Variants in TOX3 observed in about 807,000 individuals in gnomAD.
TOX3 encodes the protein CAG trinucleotide repeat-containing gene F9 protein.
In TOX3, 22 loss-of-function variants were observed where a neutral mutation model predicts 64.3. The ratio of observed to expected loss-of-function variants is 0.34; its 90% confidence interval spans 0.24 to 0.49. The LOEUF (loss-of-function observed/expected upper bound fraction) is 0.49. Ranked by LOEUF, TOX3 falls within the 20% of genes least tolerant of loss-of-function variation. The probability of loss-of-function intolerance (pLI) is 0.99; values close to 1 mark genes in which losing one functional copy is unlikely to be tolerated. For synonymous variants in TOX3, 291 were observed against 273.6 expected, an observed-to-expected ratio of 1.06 and a Z score of -0.63; for missense variants, 661 against 714.4, an observed-to-expected ratio of 0.93 and a Z score of 0.85.
At chr16:52,481,018 C>G (rs1434715441) in intron 1 of TOX3, among the ~76,000 whole-genome samples, 1 of 152,006 alleles carries the variant, frequency 6.6e-6, no homozygotes, top group Non-Finnish European at 1.5e-5. Context: ...GGGCGGCCTC[C>G]CACAACAAAG....
At chr16:52,444,499 G>GCGCACACA (rs374601775) in intron 5 of TOX3, 143 bp from the exon 6 acceptor site, 131 of 380,866 alleles carry the variant, frequency 3.4e-4, no homozygotes, top group African/African-American at 2.9e-3. Flanking sequence ...GTTAGCGCAT[G>GCGCACACA]CACACACACA....
chr16:52,459,954 A>G lies in TOX3; in HGVS notation c.408+3980T>C, dbSNP rs574711978. On this transcript the variant is annotated intron_variant, in intron 3 of 6. Coordinates refer to ENST00000219746, the MANE Select transcript of TOX3 (RefSeq NM_001080430.4). ...TAAGCCTGGTAATTTTAGATGTAATATTTTGATAAATTGCCATTTTTCTAT... is the reference window on the plus strand; with the variant it reads ...TAAGCCTGGTAATTTTAGATGTAATGTTTTGATAAATTGCCATTTTTCTAT... Among the ~76,000 whole-genome samples, 5 of 152,230 alleles carry G rather than the reference A, an allele frequency of 3.3e-5. No individual in the cohort carries two copies. The East Asian group carries it at 9.6e-4, about 29-fold the overall frequency.
At chr16:52,505,065 C>T (rs981257516) in intron 1 of TOX3, among the ~76,000 whole-genome samples, 1 of 152,106 alleles carries the variant, frequency 6.6e-6, no homozygotes, top group South Asian at 2.1e-4. Flanking sequence ...AACTCCTGAC[C>T]TCAAATGCTC....
At chr16:52,463,107 T>C (rs1050669760) in intron 3 of TOX3, among the ~76,000 whole-genome samples, 1 of 152,324 alleles carries the variant, frequency 6.6e-6, no homozygotes, top group Non-Finnish European at 1.5e-5. Context: ...ATTTGTTTTT[T>C]GTTATACCAA....
chr16:52,457,282 A>G (rs1020621086), intron 3 of TOX3, among the ~76,000 whole-genome samples: 1 of 152,176 alleles, frequency 6.6e-6, no homozygotes, highest in Non-Finnish European at 1.5e-5. Context: ...ATTACACATT[A>G]TTATTCTATA....
rs184531919 is a variant in TOX3 at position 52,510,296 on chromosome 16, T to C, written c.87+36341A>G. ...AAAGTGATAGACAAGACATAATGAT[T>C]AGAGAAATGAATCAAAGTAATATTT... is the stretch of plus-strand genomic sequence containing the variant. On this transcript the variant is annotated intron_variant, in intron 1 of 6. Coordinates refer to ENST00000219746, the MANE Select transcript of TOX3 (RefSeq NM_001080430.4). Among the ~76,000 whole-genome samples, 291 of 152,300 alleles carry C rather than the reference T, an allele frequency of 1.9e-3. 2 individuals are homozygous for C. Among genetic ancestry groups the C allele is most frequent in the Non-Finnish European group, 1.7e-3 (118 of 68,024 alleles).
intron 1 of TOX3, among the ~76,000 whole-genome samples, chr16:52,537,050 C>T (rs1962965342): frequency 6.6e-6 from 1 of 152,004 alleles, no homozygotes; most frequent in African/African-American, 2.4e-5. Context: ...ATCCATCATT[C>T]AATAGCTCTC....
At chr16:52,542,898 C>T (rs1195443313) in intron 1 of TOX3, among the ~76,000 whole-genome samples, 1 of 152,066 alleles carries the variant, frequency 6.6e-6, no homozygotes. Flanking sequence ...AGGCAGAAGC[C>T]CAATCAGGTG....
At chr16:52,446,278 G>C in intron 4 of TOX3, 57 bp from the exon 5 acceptor site, 1 of 1,528,968 alleles carries the variant, frequency 6.5e-7, no homozygotes, top group African/African-American at 1.4e-5. Flanking sequence ...AATGCAACAA[G>C]ACTTAACTCA....
At chr16:52,501,359 A>G (rs1961994612) in intron 1 of TOX3, among the ~76,000 whole-genome samples, 1 of 152,242 alleles carries the variant, frequency 6.6e-6, no homozygotes, top group South Asian at 2.1e-4. Flanking sequence ...CAAAAATTAT[A>G]ATTAAAAATG....
At chr16:52,447,332 G>A (rs747925561) in intron 4 of TOX3, among the ~76,000 whole-genome samples, 1 of 152,166 alleles carries the variant, frequency 6.6e-6, no homozygotes, top group Non-Finnish European at 1.5e-5. Context: ...TAACAGATAG[G>A]CTTTTAATGA....
Position 52,446,236 on chromosome 16 carries a change from G to A in TOX3, c.679-15C>T. The A allele has an allele frequency of 1.2e-6, 2 of 1,609,754 alleles. No individual in the cohort carries two copies. On this transcript the variant is annotated splice_polypyrimidine_tract_variant and intron_variant, in intron 4 of 6. Coordinates refer to ENST00000219746, the MANE Select transcript of TOX3 (RefSeq NM_001080430.4). ...TCTCCAATGGCCTGCAAAGCAGGAA[G>A]AAAATTCACTGCCTAGAATGTACTT...
intron 1 of TOX3, among the ~76,000 whole-genome samples, chr16:52,469,588 A>ATATC (rs1241778154): frequency 6.6e-6 from 1 of 152,204 alleles, no homozygotes; most frequent in African/African-American, 2.4e-5. Context: ...TGAAATGTGT[A>ATATC]TATCTATTCT....
rs74017851 is a variant in TOX3 at position 52,512,773 on chromosome 16, A to G, written c.87+33864T>C. Among the ~76,000 whole-genome samples, 778 of 152,270 alleles carry G rather than the reference A, an allele frequency of 5.1e-3. 2 individuals carry two copies. Among genetic ancestry groups the G allele is most frequent in the African/African-American group, 0.018 (752 of 41,542 alleles). On this transcript the variant is annotated intron_variant, in intron 1 of 6. Transcript: ENST00000219746. ...GGAAAGAATTCCTTGCAGAAGAAAG[A>G]ATCAATGGAAAAGCTCTGAGTTAGG...
At chr16:52,530,600 G>A (rs960143379) in intron 1 of TOX3, among the ~76,000 whole-genome samples, 4 of 151,838 alleles carry the variant, frequency 2.6e-5, no homozygotes, top group African/African-American at 7.3e-5. Context: ...GCCCTGCCTC[G>A]GCCTCCCAAA....
rs1645372632 is a variant in TOX3, at chr16:52,437,716, A to G, written c.*1509T>C. ...TCTATTTTAATCGCAATAACATTAC[A>G]ATACCCAGCTAGTTCTAGCCCCCTC... On this transcript the variant is annotated 3_prime_UTR_variant, in exon 7 of 7. Coordinates refer to ENST00000219746, the MANE Select transcript of TOX3 (RefSeq NM_001080430.4). Among the ~76,000 whole-genome samples the G allele has an allele frequency of 6.6e-6, 1 of 151,760 alleles. No homozygotes were observed. The highest frequency in any genetic ancestry group is 2.4e-5 in the African/African-American group (1 of 41,278).
intron 1 of TOX3, among the ~76,000 whole-genome samples, chr16:52,472,151 A>G (rs1961066716): frequency 6.6e-6 from 1 of 152,206 alleles, no homozygotes; most frequent in African/African-American, 2.4e-5. Context: ...CTATAAAGTT[A>G]AAGGCTCTGA....
intron 1 of TOX3, among the ~76,000 whole-genome samples, chr16:52,482,124 G>A (rs1961386176): frequency 6.6e-6 from 1 of 152,086 alleles, no homozygotes; most frequent in Non-Finnish European, 1.5e-5. Flanking sequence ...TTCAAAGTAG[G>A]GGTTGCTGGC....
intron 3 of TOX3, among the ~76,000 whole-genome samples, chr16:52,455,304 G>C (rs1351495940): frequency 6.6e-6 from 1 of 151,834 alleles, no homozygotes; most frequent in Admixed American, 6.6e-5. Flanking sequence ...GTTGGGGGAG[G>C]GGCATTCTGT....
Sources: allele counts gnomAD v4.1 joint callset (sites outside exome capture counted in the v4.1 genomes callset), GRCh38; gene constraint gnomAD v4.1.1; transcripts MANE v1.5; gene names NCBI Gene and HGNC (gene_info 2026-07-23, HGNC 2026-07-21).